The following MCUB variants were observed in gnomAD, a reference collection of about 807,000 sequenced individuals.
The protein encoded by MCUB is mitochondrial calcium uniporter dominant negative subunit beta, also known as calcium uniporter regulatory subunit MCUb, mitochondrial.
In MCUB, 46 loss-of-function variants were observed where a neutral mutation model predicts 41.4. That is an observed-to-expected ratio of 1.11 (90% CI 0.88 to 1.42). The LOEUF (loss-of-function observed/expected upper bound fraction) is 1.42. MCUB is among the 40% of genes most tolerant of loss of function. The probability of loss-of-function intolerance (pLI) is 0.00; values close to 1 mark genes in which losing one functional copy is unlikely to be tolerated. For missense variants in MCUB, 403 were observed against 404.9 expected, an observed-to-expected ratio of 1.00 and a Z score of 0.04; for synonymous variants, 148 against 148.2, an observed-to-expected ratio of 1.00 and a Z score of 0.01.
intron 4 of MCUB, among the ~76,000 whole-genome samples, chr4:109,674,863 G>C (rs1419296099): frequency 6.6e-6 from 1 of 152,198 alleles, no homozygotes; most frequent in African/African-American, 2.4e-5. Context: ...AAATGTGTGT[G>C]TTGCTTATTT....
chr4:109,605,476 G>A (rs770663651), intron 1 of MCUB, among the ~76,000 whole-genome samples: 28 of 152,182 alleles, frequency 1.8e-4, no homozygotes, highest in Non-Finnish European at 3.7e-4. Context: ...AATGATCCAT[G>A]TGCTGAAGAG....
intron 1 of MCUB, among the ~76,000 whole-genome samples, chr4:109,639,151 A>G (rs1728663197): frequency 1.3e-5 from 2 of 152,214 alleles, no homozygotes; most frequent in Non-Finnish European, 2.9e-5. Flanking sequence ...GATTCATTAG[A>G]GGAATCACTA....
intron 1 of MCUB, among the ~76,000 whole-genome samples, chr4:109,598,022 C>T (rs1452768067): frequency 2.0e-5 from 3 of 151,382 alleles, no homozygotes; most frequent in South Asian, 2.1e-4. Flanking sequence ...ACGCTCTTCA[C>T]TTCCTAGATG....
At chr4:109,615,804 C>T (rs1728114872) in intron 1 of MCUB, among the ~76,000 whole-genome samples, 1 of 152,208 alleles carries the variant, frequency 6.6e-6, no homozygotes, top group Non-Finnish European at 1.5e-5. Flanking sequence ...CAAAAAGAGT[C>T]TTCCTTTATC....
At chr4:109,596,871 A>T (rs903094507) in intron 1 of MCUB, among the ~76,000 whole-genome samples, 2 of 151,002 alleles carry the variant, frequency 1.3e-5, no homozygotes, top group African/African-American at 2.4e-5. Flanking sequence ...TAGGCAGAGG[A>T]CCCTGCGGCC....
At chr4:109,591,979 C>T (rs929076078) in intron 1 of MCUB, among the ~76,000 whole-genome samples, 3 of 152,084 alleles carry the variant, frequency 2.0e-5, no homozygotes, top group Non-Finnish European at 4.4e-5. Context: ...GGATTACAGG[C>T]GTGAGCCACG....
At chr4:109,659,666 T>C (rs1413038078) in intron 2 of MCUB, among the ~76,000 whole-genome samples, 1 of 152,196 alleles carries the variant, frequency 6.6e-6, no homozygotes, top group Non-Finnish European at 1.5e-5. Context: ...ACTTTTTTTC[T>C]TTTTCATTTA....
At chr4:109,664,230 GA>G (rs1729293391) in intron 3 of MCUB, 59 bp from the exon 4 acceptor site, 6 of 840,168 alleles carry the variant, frequency 7.1e-6, no homozygotes, top group Non-Finnish European at 1.2e-5. Flanking sequence ...CTATGTGTTG[GA>G]AAATGGTTCT....
intron 1 of MCUB, among the ~76,000 whole-genome samples, chr4:109,618,286 A>G (rs7687878): frequency 0.25 from 38,321 of 152,074 alleles, 5,034 homozygotes; most frequent in South Asian, 0.27. Flanking sequence ...TGGTTGAATA[A>G]ATGTTTCAGC....
intron 4 of MCUB, among the ~76,000 whole-genome samples, chr4:109,673,022 GAAATT>G (rs1365560065): frequency 6.6e-6 from 1 of 152,100 alleles, no homozygotes; most frequent in African/African-American, 2.4e-5. Flanking sequence ...CAAGAAAAAA[GAAATT>G]AAAATGAATC....
chr4:109,604,707 G>A (rs1275272451), intron 1 of MCUB, among the ~76,000 whole-genome samples: 1 of 152,046 alleles, frequency 6.6e-6, no homozygotes, highest in Non-Finnish European at 1.5e-5. Context: ...CCAGTTTTTC[G>A]AGAGTTTTTA....
intron 1 of MCUB, chr4:109,648,681 A>G: frequency 1.5e-5 from 6 of 394,706 alleles, no homozygotes; most frequent in Non-Finnish European, 1.9e-5. Flanking sequence ...GAGAGCTCCT[A>G]TATAGCAGTT....
rs114072841 is a variant in MCUB, at chr4:109,632,546, G to T, written c.100-26465G>T. 7.8e-3 allele frequency among the ~76,000 whole-genome samples: 1,185 copies of T among 151,902 alleles called. 16 individuals carry two copies. The highest frequency in any genetic ancestry group is 0.028 in the African/African-American group (1,144 of 41,412). ...CTCAGTGTCTCGAATGAGATTGTGGGTGCTGGTTAAAGTGGTGATGATTTT... is the reference window on the plus strand; with the variant it reads ...CTCAGTGTCTCGAATGAGATTGTGGTTGCTGGTTAAAGTGGTGATGATTTT... On this transcript the variant is annotated intron_variant, in intron 1 of 7. Transcript: ENST00000394650.
At chr4:109,577,186 A>G (rs1727050905) in intron 1 of MCUB, among the ~76,000 whole-genome samples, 1 of 152,162 alleles carries the variant, frequency 6.6e-6, no homozygotes, top group African/African-American at 2.4e-5. Flanking sequence ...TTAATCATGA[A>G]CTTTCTAATA....
chr4:109,597,817 A>AGGGGCTCCTCACTTCTCAGAC (rs1245432532), intron 1 of MCUB, among the ~76,000 whole-genome samples: 3 of 150,816 alleles, frequency 2.0e-5, no homozygotes, highest in Non-Finnish European at 4.4e-5. Context: ...TGCTGGGCAG[A>AGGGGCTCCTCACTTCTCAGAC]GGGGCTCCTC....
intron 4 of MCUB, among the ~76,000 whole-genome samples, chr4:109,666,333 G>T (rs1380107962): frequency 6.6e-6 from 1 of 152,158 alleles, no homozygotes; most frequent in Non-Finnish European, 1.5e-5. Context: ...ATGATTGCTG[G>T]CACATATGGT....
chr4:109,663,027 T>C (rs565321972), intron 3 of MCUB, among the ~76,000 whole-genome samples: 98 of 152,308 alleles, frequency 6.4e-4, no homozygotes, highest in African/African-American at 2.1e-3. Flanking sequence ...CAGACTTGAT[T>C]TGCAGTCTTC....
chr4:109,579,476 T>G (rs1053901327), intron 1 of MCUB, among the ~76,000 whole-genome samples: 1 of 152,148 alleles, frequency 6.6e-6, no homozygotes, highest in African/African-American at 2.4e-5. Flanking sequence ...TCTCAATCTC[T>G]TGACCTTGTG....
At chr4:109,602,834 G>A (rs530820026) in intron 1 of MCUB, among the ~76,000 whole-genome samples, 100 of 152,108 alleles carry the variant, frequency 6.6e-4, no homozygotes, top group Non-Finnish European at 1.2e-3. Flanking sequence ...TCTTCTAATC[G>A]ATGAACATGG....
Sources: allele counts gnomAD v4.1 joint callset (sites outside exome capture counted in the v4.1 genomes callset), GRCh38; gene constraint gnomAD v4.1.1; transcripts MANE v1.5; gene names NCBI Gene and HGNC (gene_info 2026-07-23, HGNC 2026-07-21).